PITPNM2: variants seen among roughly 807,000 people sequenced by gnomAD.
PITPNM2 encodes phosphatidylinositol transfer protein membrane associated 2, also known as membrane-associated phosphatidylinositol transfer protein 2.
A neutral mutation model predicts 132.2 loss-of-function variants in PITPNM2; 35 were observed. That is an observed-to-expected ratio of 0.26 (90% CI 0.20 to 0.35). The LOEUF (loss-of-function observed/expected upper bound fraction) is 0.35. Ranked by LOEUF, PITPNM2 falls within the 10% of genes least tolerant of loss-of-function variation. The probability of loss-of-function intolerance (pLI) is 1.00; values close to 1 mark genes in which losing one functional copy is unlikely to be tolerated. For missense variants in PITPNM2, 1,332 were observed against 1,912.0 expected (o/e 0.70, Z 5.66); for synonymous variants, 738 against 799.2 (o/e 0.92, Z 1.29).
At chr12:123,040,079 A>C (rs2040410555) in intron 2 of PITPNM2, among the ~76,000 whole-genome samples, 1 of 152,164 alleles carries the variant, frequency 6.6e-6, no homozygotes. Flanking sequence ...GCAGTGAGCC[A>C]AGATCGTGCC....
At chr12:123,020,810 G>A (rs2039636882) in intron 3 of PITPNM2, among the ~76,000 whole-genome samples, 1 of 151,878 alleles carries the variant, frequency 6.6e-6, no homozygotes, top group African/African-American at 2.4e-5. Flanking sequence ...ATCACCTGAG[G>A]TCAGGAGTTC....
intron 2 of PITPNM2, among the ~76,000 whole-genome samples, chr12:123,101,225 C>A (rs1381925991): frequency 6.6e-6 from 1 of 152,220 alleles, no homozygotes; most frequent in Admixed American, 6.5e-5. Context: ...AAAACACACA[C>A]TTATGACCTC....
At chr12:123,002,437 G>A (rs1458462090) in intron 8 of PITPNM2, among the ~76,000 whole-genome samples, 2 of 151,956 alleles carry the variant, frequency 1.3e-5, no homozygotes, top group Admixed American at 1.3e-4. Flanking sequence ...TTTTGAGATA[G>A]GGTCTTGCTT....
In PITPNM2 at chr12:122,986,649, G is replaced by A. The variant is rs373947230; in HGVS notation, c.3594C>T (p.Ser1198=). The A allele has an allele frequency of 1.4e-5, 22 of 1,612,044 alleles. No homozygotes were observed. Among genetic ancestry groups the A allele is most frequent in the East Asian group, 8.9e-5 (4 of 44,842 alleles). Residue 1198 remains serine, a synonymous_variant, in exon 24 of 26, where the codon TCC becomes TCT. Transcript: ENST00000320201. ...GCCCCATCCTCCCGGGCCCCACCTC[G>A]GAGATGAGCAGCTTCAGGAAGTTGG... ...HKANFLKLLI[S]ELHLRVHAAY...
intron 1 of PITPNM2, among the ~76,000 whole-genome samples, chr12:123,146,928 C>T (rs1010697165): frequency 4.6e-5 from 7 of 152,166 alleles, no homozygotes; most frequent in Admixed American, 2.6e-4. Flanking sequence ...GGTGCAGGCC[C>T]TCCCAGCTCC....
At chr12:123,073,689 C>G (rs527799885) in intron 2 of PITPNM2, among the ~76,000 whole-genome samples, 1 of 152,226 alleles carries the variant, frequency 6.6e-6, no homozygotes, top group East Asian at 1.9e-4. Context: ...AAGGGAGCCA[C>G]TCTGCTCCTA....
intron 1 of PITPNM2, among the ~76,000 whole-genome samples, chr12:123,148,180 G>A (rs2043656593): frequency 1.3e-5 from 2 of 152,192 alleles, no homozygotes; most frequent in Non-Finnish European, 2.9e-5. Flanking sequence ...CAGAGAAGCT[G>A]TGCAAAGACC....
chr12:122,987,289 G>A lies in PITPNM2; in HGVS notation c.3405C>T (p.Asp1135=), dbSNP rs776140784. The A allele has an allele frequency of 5.6e-6, 9 of 1,611,408 alleles. No individual in the cohort carries two copies. The highest frequency in any genetic ancestry group is 2.2e-4 in the Middle Eastern group (1 of 4,548). Residue 1135 remains aspartate, a synonymous_variant, in exon 23 of 26, where the codon GAC becomes GAT. Coordinates refer to ENST00000320201, the MANE Select transcript of PITPNM2 (RefSeq NM_020845.3). ...CCCTCTGGGCCACTCACCGCACCAC[G>A]TCCACGGCCCCGGCCCGCACCTTGG... is the stretch of plus-strand genomic sequence containing the variant. ...SDPKVRAGAV[D]VVRHWQDLGY... is the part of the protein sequence containing the mutation.
intron 8 of PITPNM2, among the ~76,000 whole-genome samples, chr12:123,002,278 G>A (rs1318578271): frequency 2.6e-5 from 4 of 152,214 alleles, no homozygotes; most frequent in African/African-American, 4.8e-5. Context: ...AGAGATTGCA[G>A]TGAGCTGAGA....
chr12:122,991,685 T>TG, intron 16 of PITPNM2: 1 of 1,275,298 alleles, frequency 7.8e-7, no homozygotes, highest in Admixed American at 3.4e-5. Context: ...GGGCATGGAT[T>TG]GGGGGGTGTC....
At position 122,995,507 on chromosome 12, in the gene PITPNM2, C is replaced by T. The variant is rs140778041; in HGVS notation, c.1936G>A (p.Val646Ile). ...GTGCCGTTGCTGCGGGGGATGTCGA[C>T]GTTGCTTCGGCTCAGGTGCCGACTG... Reference protein sequence around the residue: ...ESSRHLSRSNVDIPRSNGTED... With the variant: ...ESSRHLSRSNIDIPRSNGTED... The change falls in exon 14 of 26, where the codon GTC (valine) becomes ATC (isoleucine). Residue 646 changes from valine (V) to isoleucine (I), a missense_variant. Around this residue, in one of 6 missense-constraint regions of PITPNM2, gnomAD observed 710 missense variants for 911.5 expected, o/e 0.78. Coordinates refer to ENST00000320201, the MANE Select transcript of PITPNM2 (RefSeq NM_020845.3). The T allele has an allele frequency of 1.1e-4, 185 of 1,613,576 alleles. No individual in the cohort carries two copies. The African/African-American group carries it at 1.8e-3, about 16-fold the overall frequency.
In PITPNM2 at chr12:122,993,208, A is replaced by G. The variant is rs1566233203; in HGVS notation, c.2234-539T>C. Among the ~76,000 whole-genome samples the G allele has an allele frequency of 6.6e-6, 1 of 152,194 alleles. No homozygotes were observed. The highest frequency in any genetic ancestry group is 1.9e-4 in the East Asian group (1 of 5,198). On this transcript the variant is annotated intron_variant, in intron 15 of 25. Transcript: ENST00000320201. This position sits in a 1 kb window ranked among gnomAD's most constrained non-coding sequence, Gnocchi z 5.2. ...TACAGAAGAGCATATGATGAAGGGC[A>G]CATGGTGGAAACCCCTTCCACCCCA...
At chr12:123,094,619 TCTC>T (rs2042357422) in intron 2 of PITPNM2, among the ~76,000 whole-genome samples, 1 of 152,184 alleles carries the variant, frequency 6.6e-6, no homozygotes, top group Non-Finnish European at 1.5e-5. Flanking sequence ...GAGAAACTCT[TCTC>T]CTCCCCCACA....
At position 123,026,396 on chromosome 12, in the gene PITPNM2, C is replaced by T. The variant is rs190736885; in HGVS notation, c.78+8117G>A. On this transcript the variant is annotated intron_variant, in intron 3 of 25. Coordinates refer to ENST00000320201, the MANE Select transcript of PITPNM2 (RefSeq NM_020845.3). ...AACCTTTGGAGGAAGTGCAGCCCTG[C>T]GGACACCTGCCTCTCTGGTTTCTGG... Among the ~76,000 whole-genome samples, 11 of 152,370 alleles carry T rather than the reference C, an allele frequency of 7.2e-5. No homozygotes were observed. In the South Asian group the frequency reaches 1.2e-3, roughly 17 times the overall value.
intron 2 of PITPNM2, chr12:123,084,012 C>T (rs1455539365): frequency 1.3e-5 from 2 of 152,310 alleles, no homozygotes; most frequent in Non-Finnish European, 2.9e-5. Context: ...GGCCTGCTGG[C>T]AGCTCCTGCT....
chr12:123,014,678 G>A (rs2039354212), intron 3 of PITPNM2, among the ~76,000 whole-genome samples: 1 of 152,108 alleles, frequency 6.6e-6, no homozygotes, highest in African/African-American at 2.4e-5. Flanking sequence ...CTCCAGCCTT[G>A]GTGACAAAGT....
chr12:123,000,265 T>C lies in PITPNM2; in HGVS notation c.1224+513A>G. 3.3e-6 allele frequency: 2 copies of C among 612,648 alleles called. No homozygotes were observed. The allele number at this position is 612,648 out of a possible 1,614,324, so 38.0% of individuals were successfully genotyped here. ...CCCGCAGGTGGAGGAGGATGGGGCA[T>C]GAACTCCCACAGAGAACCCCCGAAG... On this transcript the variant is annotated intron_variant, in intron 10 of 25. Transcript: ENST00000320201. This position sits in a 1 kb window ranked among gnomAD's most constrained non-coding sequence, Gnocchi z 5.4.
chr12:123,080,559 G>T (rs891206586), intron 2 of PITPNM2, among the ~76,000 whole-genome samples: 1 of 152,224 alleles, frequency 6.6e-6, no homozygotes, highest in African/African-American at 2.4e-5. Flanking sequence ...GGAGGCTCCA[G>T]CTGGCCCTGG....
intron 1 of PITPNM2, among the ~76,000 whole-genome samples, chr12:123,115,615 A>G (rs2042923935): frequency 6.6e-6 from 1 of 152,144 alleles, no homozygotes; most frequent in Non-Finnish European, 1.5e-5. Context: ...AGAAATTCTT[A>G]GCCTGCAGCA....
Sources: allele counts gnomAD v4.1 joint callset (sites outside exome capture counted in the v4.1 genomes callset), GRCh38; gene constraint gnomAD v4.1.1; regional missense constraint gnomAD v4.1.1; non-coding constraint Gnocchi (gnomAD v3.1); transcripts MANE v1.5; gene names NCBI Gene and HGNC (gene_info 2026-07-23, HGNC 2026-07-21).